The following ADARB2 variants were observed in gnomAD, a reference collection of about 807,000 sequenced individuals.
The protein encoded by ADARB2 is inactive double-stranded RNA-specific editase B2.
In ADARB2, 25 loss-of-function variants were observed where a neutral mutation model predicts 62.2. The observed-to-expected ratio is 0.40, with a 90% CI of 0.29 to 0.56. The LOEUF (loss-of-function observed/expected upper bound fraction) is 0.56, where lower values mean the gene tolerates loss of function less well. Among genes scored for constraint, ADARB2 ranks in the 20% least tolerant of loss-of-function variants. The probability of loss-of-function intolerance (pLI) is 0.43; values close to 1 mark genes in which losing one functional copy is unlikely to be tolerated. For synonymous variants in ADARB2, 572 were observed against 500.8 expected (o/e 1.14, Z -1.90); for missense variants, 1,071 against 1,077.4 (o/e 0.99, Z 0.08).
At chr10:1,690,973 T>A (rs1045733558) in intron 1 of ADARB2, among the ~76,000 whole-genome samples, 4 of 152,198 alleles carry the variant, frequency 2.6e-5, no homozygotes, top group African/African-American at 9.6e-5. Context: ...AACCCCACGC[T>A]GTGCCCCTTT....
intron 1 of ADARB2, among the ~76,000 whole-genome samples, chr10:1,514,907 GTAGGGTTTGAGCA>G (rs955609873): frequency 6.6e-6 from 1 of 151,984 alleles, no homozygotes; most frequent in African/African-American, 2.4e-5. Context: ...GCAGTGGAGC[GTAGGGTTTGAGCA>G]CTCTGTGAAT....
At chr10:1,562,438 G>C (rs977468715) in intron 1 of ADARB2, among the ~76,000 whole-genome samples, 1 of 138,360 alleles carries the variant, frequency 7.2e-6, no homozygotes, top group Non-Finnish European at 1.6e-5. Context: ...AAGGTTCCCA[G>C]CATTTCTGAA....
intron 3 of ADARB2, among the ~76,000 whole-genome samples, chr10:1,338,080 A>G (rs1831990864): frequency 6.6e-6 from 1 of 152,278 alleles, no homozygotes; most frequent in Admixed American, 6.5e-5. Context: ...TCTATTTTAC[A>G]TGAGAAACAT....
At chr10:1,221,972 G>C (rs1183756907) in intron 6 of ADARB2, among the ~76,000 whole-genome samples, 2 of 152,154 alleles carry the variant, frequency 1.3e-5, no homozygotes, top group Non-Finnish European at 2.9e-5. Context: ...TCCAGTTCTA[G>C]ATCCCTGAGG....
intron 1 of ADARB2, among the ~76,000 whole-genome samples, chr10:1,484,530 G>A (rs550803465): frequency 5.1e-4 from 77 of 152,322 alleles, no homozygotes; most frequent in African/African-American, 1.8e-3. Flanking sequence ...GGAACGTAAG[G>A]AATGGGAAGA....
intron 6 of ADARB2, 97 bp downstream of exon 6, chr10:1,233,597 G>A (rs776466577): frequency 2.1e-5 from 28 of 1,323,534 alleles, no homozygotes; most frequent in South Asian, 5.6e-5. Context: ...CCCACACACC[G>A]CGCCCCTGCC....
chr10:1,414,894 G>C (rs1832789014), intron 1 of ADARB2, among the ~76,000 whole-genome samples: 6 of 152,202 alleles, frequency 3.9e-5, no homozygotes, highest in Admixed American at 3.9e-4. Flanking sequence ...TGGTTAGATA[G>C]ATGGATAAAG....
At chr10:1,548,432 G>A (rs562975676) in intron 1 of ADARB2, among the ~76,000 whole-genome samples, 8 of 152,208 alleles carry the variant, frequency 5.3e-5, no homozygotes, top group Non-Finnish European at 1.0e-4. Flanking sequence ...GGGGACCCCC[G>A]GCATAGCCAA....
chr10:1,187,170 G>A (rs1371261274), intron 8 of ADARB2, among the ~76,000 whole-genome samples: 1 of 152,252 alleles, frequency 6.6e-6, no homozygotes, highest in African/African-American at 2.4e-5. Flanking sequence ...GATTCACGGT[G>A]GCAGCTGCCA....
At chr10:1,432,947 T>C (rs1830792186) in intron 1 of ADARB2, among the ~76,000 whole-genome samples, 1 of 152,078 alleles carries the variant, frequency 6.6e-6, no homozygotes, top group South Asian at 2.1e-4. Flanking sequence ...CGTGGTTCAA[T>C]GGATCCTCAG....
At chr10:1,604,290 G>C (rs190582895) in intron 1 of ADARB2, among the ~76,000 whole-genome samples, 2 of 152,188 alleles carry the variant, frequency 1.3e-5, no homozygotes, top group Non-Finnish European at 2.9e-5. Context: ...GTGAATGTCA[G>C]AGCCTTTTTT....
At chr10:1,312,965 G>T (rs1040480527) in intron 3 of ADARB2, among the ~76,000 whole-genome samples, 7 of 152,216 alleles carry the variant, frequency 4.6e-5, no homozygotes, top group Admixed American at 1.3e-4. Context: ...GCAGGAGAGG[G>T]GTGGGAAGAT....
intron 1 of ADARB2, among the ~76,000 whole-genome samples, chr10:1,658,371 G>A (rs12263480): frequency 0.24 from 35,837 of 150,442 alleles, 4,597 homozygotes; most frequent in Middle Eastern, 0.31. Context: ...GTTTTTCTCT[G>A]TCTCTCTGTG....
chr10:1,181,868 G>A lies in ADARB2; in HGVS notation c.*1325C>T, dbSNP rs1836679533. ...GGAGGTGAGATGACAGCAGCTCGAG[G>A]TACATGGATTACGTAAAGATACTTG... On this transcript the variant is annotated 3_prime_UTR_variant, in exon 10 of 10. Transcript: ENST00000381312. 6.6e-6 allele frequency: 1 copy of A among 152,202 alleles called. No homozygotes were observed. The highest frequency in any genetic ancestry group is 2.4e-5 in the African/African-American group (1 of 41,448). 9.4% of individuals were successfully genotyped at this position (152,202 alleles called of 1,614,324 possible).
chr10:1,553,298 C>T (rs1335331085), intron 1 of ADARB2, among the ~76,000 whole-genome samples: 1 of 152,170 alleles, frequency 6.6e-6, no homozygotes, highest in East Asian at 1.9e-4. Context: ...TGAATTTTCC[C>T]AAGCTACATG....
At chr10:1,229,862 G>GTGTGTGTGTGTGTGTA (rs149074965) in intron 6 of ADARB2, among the ~76,000 whole-genome samples, 2 of 151,488 alleles carry the variant, frequency 1.3e-5, no homozygotes, top group African/African-American at 4.9e-5. Context: ...GTGTGTGTGT[G>GTGTGTGTGTGTGTGTA]TGTGTGGGTA....
chr10:1,183,114 C>G lies in ADARB2; in HGVS notation c.*79G>C. The G allele has an allele frequency of 6.6e-7, 1 of 1,517,872 alleles. No individual in the cohort carries two copies. The highest frequency in any genetic ancestry group is 8.9e-7 in the Non-Finnish European group (1 of 1,121,938). The allele number at this position is 1,517,872 out of a possible 1,614,324, so 94.0% of individuals were successfully genotyped here. On this transcript the variant is annotated 3_prime_UTR_variant, in exon 10 of 10. Transcript: ENST00000381312. ...AGTAAAACGAATGCAGGGAACCGGC[C>G]GACCCGCCACGTCGCCCCCCAGACA...
chr10:1,216,886 G>T lies in ADARB2; in HGVS notation c.1682+65C>A. 5 of 1,566,908 alleles carry T rather than the reference G, an allele frequency of 3.2e-6. 1 individual carries two copies. The highest frequency in any genetic ancestry group is 3.8e-4 in the Middle Eastern group (2 of 5,318). ...CCTCACCAGAAGTGGGATGCAGGGA[G>T]CCTGGGGCTTGGCACTCCCCACCGG... On this transcript the variant is annotated intron_variant, in intron 7 of 9. Transcript: ENST00000381312.
chr10:1,208,581 G>A (rs1163506967), intron 7 of ADARB2, among the ~76,000 whole-genome samples: 1 of 152,234 alleles, frequency 6.6e-6, no homozygotes, highest in African/African-American at 2.4e-5. Context: ...GCGGACTGAG[G>A]TGCCTCAGGG....
Sources: gnomAD v4.1 joint callset for allele counts (sites outside exome capture counted in the v4.1 genomes callset) on GRCh38, gnomAD v4.1.1 for gene constraint, MANE v1.5 for transcripts, NCBI Gene and HGNC (gene_info 2026-07-23, HGNC 2026-07-21) for gene names.